FRMPD2: variants seen among roughly 807,000 people sequenced by gnomAD.
The protein encoded by FRMPD2 is FERM and PDZ domain-containing protein 2.
Under a neutral mutation model 140.1 loss-of-function variants are expected in FRMPD2, and 96 were observed. That is an observed-to-expected ratio of 0.69 (90% confidence interval 0.58 to 0.81). The LOEUF is 0.81. Ranked by LOEUF, FRMPD2 falls within the 40% of genes least tolerant of loss-of-function variation. The pLI is 0.00. For synonymous variants in FRMPD2, 449 were observed against 547.6 expected (o/e 0.82, Z 2.52); for missense variants, 1,240 against 1,447.4 (o/e 0.86, Z 2.32).
rs1838628195 is a variant in FRMPD2 at position 48,184,562 on chromosome 10, A to G, written c.2584+4T>C. On this transcript the variant is annotated splice_donor_region_variant and intron_variant, in intron 20 of 28. Coordinates refer to ENST00000374201, the MANE Select transcript of FRMPD2 (RefSeq NM_001018071.4). ...TAAGCTCCCAAGAGTGGGTTAAAACATACCTTTTGACTGAGAAATAATTAA... is the reference window on the plus strand; with the variant it reads ...TAAGCTCCCAAGAGTGGGTTAAAACGTACCTTTTGACTGAGAAATAATTAA... The G allele has an allele frequency of 1.9e-6, 3 of 1,578,274 alleles. No individual in the cohort carries two copies. In the African/African-American group the frequency reaches 4.0e-5, roughly 21 times the overall value.
intron 6 of FRMPD2, 113 bp downstream of exon 6, chr10:48,240,247 C>G: frequency 1.7e-6 from 2 of 1,209,356 alleles, no homozygotes; most frequent in South Asian, 3.0e-5. Flanking sequence ...AAGAGTGGCA[C>G]TTACATAGGC....
intron 8 of FRMPD2, 96 bp downstream of exon 8, chr10:48,237,894 CT>C: frequency 6.9e-7 from 1 of 1,451,670 alleles, no homozygotes; most frequent in South Asian, 1.1e-5. Flanking sequence ...AAGTTGTCCC[CT>C]AGAAGACCCT....
intron 2 of FRMPD2, among the ~76,000 whole-genome samples, chr10:48,251,144 G>A (rs1840371238): frequency 6.6e-6 from 1 of 152,146 alleles, no homozygotes; most frequent in African/African-American, 2.4e-5. Context: ...GCAACATCTG[G>A]TGGACAGAGT....
Position 48,231,983 on chromosome 10 carries a change from T to G in FRMPD2, c.1168+132A>C. 3 of 736,810 alleles carry G rather than the reference T, an allele frequency of 4.1e-6. No individual in the cohort carries two copies. In the South Asian group the frequency reaches 5.0e-5, roughly 12 times the overall value. The allele number at this position is 736,810 out of a possible 1,614,324, so 45.6% of individuals were successfully genotyped here. ...TACTTGAAGCCCTCGTCATGCTGACTAATGTCTAGGCATACAAAGGGAGGC... is the reference window on the plus strand; with the variant it reads ...TACTTGAAGCCCTCGTCATGCTGACGAATGTCTAGGCATACAAAGGGAGGC... On this transcript the variant is annotated intron_variant, in intron 10 of 28. Coordinates refer to ENST00000374201, the MANE Select transcript of FRMPD2 (RefSeq NM_001018071.4).
intron 1 of FRMPD2, among the ~76,000 whole-genome samples, chr10:48,260,211 A>C (rs1840559881): frequency 6.6e-6 from 1 of 152,128 alleles, no homozygotes; most frequent in Admixed American, 6.6e-5. Flanking sequence ...ATCTATATAC[A>C]TATATGTATA....
chr10:48,252,506 C>T (rs941092773), intron 1 of FRMPD2, among the ~76,000 whole-genome samples: 19 of 152,106 alleles, frequency 1.2e-4, no homozygotes, highest in Admixed American at 7.9e-4. Context: ...CAGTGTCGGG[C>T]GCTAGATGGG....
chr10:48,242,602 C>G (rs1840148436), intron 4 of FRMPD2, among the ~76,000 whole-genome samples: 2 of 152,242 alleles, frequency 1.3e-5, no homozygotes, highest in East Asian at 3.8e-4. Context: ...ATCCTTCTGC[C>G]CAAGCACATG....
intron 1 of FRMPD2, among the ~76,000 whole-genome samples, chr10:48,254,291 G>A (rs1840447569): frequency 1.3e-5 from 2 of 152,364 alleles, no homozygotes; most frequent in Admixed American, 1.3e-4. Flanking sequence ...GGACTACAGT[G>A]TGGGTTATGA....
rs988763392 is a variant in FRMPD2, at chr10:48,237,989, A to G, written c.921+2T>C. ...AGTGTCCTTCAGCCTTATTTTGCTT[A>G]CCTTGCTCCTTCTTTGCAGAAAACC... is the stretch of plus-strand genomic sequence containing the variant. On this transcript the variant is annotated splice_donor_variant, in intron 8 of 28. Transcript: ENST00000374201. LOFTEE classifies it high-confidence loss of function. The G allele has an allele frequency of 5.6e-6, 9 of 1,613,950 alleles. No homozygotes were observed. Among genetic ancestry groups the G allele is most frequent in the Non-Finnish European group, 7.6e-6 (9 of 1,180,026 alleles).
intron 10 of FRMPD2, among the ~76,000 whole-genome samples, chr10:48,231,410 C>T (rs1015891990): frequency 6.6e-6 from 1 of 152,234 alleles, no homozygotes; most frequent in Non-Finnish European, 1.5e-5. Context: ...GCCACTCACA[C>T]AAGAACACTT....
chr10:48,262,932 G>T (rs1451475150), intron 1 of FRMPD2, among the ~76,000 whole-genome samples: 1 of 151,806 alleles, frequency 6.6e-6, no homozygotes, highest in African/African-American at 2.4e-5. Context: ...TAAAAGTACA[G>T]AAATCATACA....
chr10:48,266,637 A>T (rs1450459808), intron 1 of FRMPD2, among the ~76,000 whole-genome samples: 6 of 152,244 alleles, frequency 3.9e-5, no homozygotes, highest in Non-Finnish European at 8.8e-5. Context: ...GAGAGCCCAG[A>T]CATTACACTC....
chr10:48,241,830 T>C (rs992899391), intron 5 of FRMPD2, among the ~76,000 whole-genome samples: 3 of 152,224 alleles, frequency 2.0e-5, no homozygotes, highest in Non-Finnish European at 2.9e-5. Flanking sequence ...ATAAGAAAAC[T>C]GAATCATGGG....
At chr10:48,245,945 T>G (rs766714243) in intron 3 of FRMPD2, among the ~76,000 whole-genome samples, 5 of 152,246 alleles carry the variant, frequency 3.3e-5, no homozygotes, top group Non-Finnish European at 7.3e-5. Context: ...TTTTTGGTTT[T>G]GGTTGTTCAC....
intron 25 of FRMPD2, among the ~76,000 whole-genome samples, chr10:48,171,621 C>T (rs1310764930): frequency 6.6e-6 from 1 of 152,246 alleles, no homozygotes; most frequent in Non-Finnish European, 1.5e-5. Flanking sequence ...TTTTATTCTT[C>T]TTACGAACTA....
chr10:48,179,003 A>T (rs1191082817), intron 21 of FRMPD2: 1 of 151,260 alleles, frequency 6.6e-6, no homozygotes, highest in Non-Finnish European at 1.5e-5. Context: ...ATGAGCTAAT[A>T]CATATAAAGT....
chr10:48,212,479 C>A (rs1839351364), intron 12 of FRMPD2, among the ~76,000 whole-genome samples: 1 of 152,162 alleles, frequency 6.6e-6, no homozygotes, highest in Non-Finnish European at 1.5e-5. Context: ...TTGGAAGTGA[C>A]AGAAACAAGA....
intron 1 of FRMPD2, among the ~76,000 whole-genome samples, chr10:48,258,400 C>T (rs887056109): frequency 6.6e-6 from 1 of 152,214 alleles, no homozygotes; most frequent in African/African-American, 2.4e-5. Flanking sequence ...CCCTTCCCTG[C>T]CCTGTTTTCT....
chr10:48,243,771 T>C (rs1369090640), intron 4 of FRMPD2, among the ~76,000 whole-genome samples: 2 of 151,880 alleles, frequency 1.3e-5, no homozygotes, highest in South Asian at 2.1e-4. Flanking sequence ...GGATGTTGAA[T>C]TGGAGAGGGT....
Sources: allele counts gnomAD v4.1 joint callset (sites outside exome capture counted in the v4.1 genomes callset), GRCh38; gene constraint gnomAD v4.1.1; transcripts MANE v1.5; gene names NCBI Gene and HGNC (gene_info 2026-07-23, HGNC 2026-07-21).